The following CHCHD3 variants were observed in gnomAD, a reference collection of about 807,000 sequenced individuals.
CHCHD3 encodes the protein coiled-coil-helix-coiled-coil-helix domain containing 3, also known as MICOS complex subunit MIC19.
In CHCHD3, 20 loss-of-function variants were observed where a neutral mutation model predicts 38.2. That is an observed-to-expected ratio of 0.52 (90% CI 0.37 to 0.76). The LOEUF is 0.76. Among genes scored for constraint, CHCHD3 ranks in the 30% least tolerant of loss-of-function variants. CHCHD3 has a pLI of 0.00. For synonymous variants in CHCHD3, 82 were observed against 100.0 expected, an observed-to-expected ratio of 0.82 and a Z score of 1.07; for missense variants, 245 against 279.2, an observed-to-expected ratio of 0.88 and a Z score of 0.87.
At chr7:132,890,420 A>G (rs1411812261) in intron 4 of CHCHD3, among the ~76,000 whole-genome samples, 1 of 152,176 alleles carries the variant, frequency 6.6e-6, no homozygotes, top group Admixed American at 6.5e-5. Flanking sequence ...CATAGCACAC[A>G]CTTTTCGGCA....
rs369717288 is a variant in CHCHD3, at chr7:132,808,678, A to G, written c.525-12101T>C. On this transcript the variant is annotated intron_variant, in intron 6 of 7. Transcript: ENST00000262570. ...TTCCTCCTACTTTTCATCAACAGCA[A>G]TATTGTTAGCTCATCATCATACATC... Among the ~76,000 whole-genome samples the G allele has an allele frequency of 2.0e-4, 31 of 152,066 alleles. No individual in the cohort carries two copies. The East Asian group carries it at 5.2e-3, about 26-fold the overall frequency.
At chr7:133,046,022 G>A (rs570033517) in intron 2 of CHCHD3, among the ~76,000 whole-genome samples, 4 of 152,234 alleles carry the variant, frequency 2.6e-5, no homozygotes, top group South Asian at 4.2e-4. Flanking sequence ...ATCAGTCTCA[G>A]GTATTTCTTT....
intron 3 of CHCHD3, among the ~76,000 whole-genome samples, chr7:133,010,112 T>A (rs1332017762): frequency 6.6e-6 from 1 of 152,074 alleles, no homozygotes. Flanking sequence ...GGGCTTGGAG[T>A]AAAAGAGAAC....
At chr7:133,061,182 G>C (rs1169372663) in intron 2 of CHCHD3, among the ~76,000 whole-genome samples, 1 of 152,016 alleles carries the variant, frequency 6.6e-6, no homozygotes, top group Non-Finnish European at 1.5e-5. Flanking sequence ...ACAGAGGAAT[G>C]GCATGATTAG....
Position 132,832,304 on chromosome 7 carries a change from TC to T in CHCHD3, c.524+6094del, listed in dbSNP as rs1407264375. On this transcript the variant is annotated intron_variant, in intron 6 of 7. Transcript: ENST00000262570. ...ATAAGTCAGGTTTCAACAACTTCAT[TC>T]AGGGATAAAAGCGAAAACCCCTCTA... 7.9e-5 allele frequency among the ~76,000 whole-genome samples: 12 copies of T among 152,296 alleles called. No individual in the cohort carries two copies. In the East Asian group the frequency reaches 2.3e-3, roughly 29 times the overall value.
intron 5 of CHCHD3, among the ~76,000 whole-genome samples, chr7:132,856,686 G>C (rs1033522735): frequency 6.6e-6 from 1 of 152,186 alleles, no homozygotes; most frequent in African/African-American, 2.4e-5. Context: ...TCTTTGCCTG[G>C]TGAAGCCCTC....
chr7:133,077,892 C>A (rs1815049594), intron 1 of CHCHD3, among the ~76,000 whole-genome samples: 1 of 236 alleles, frequency 4.2e-3, no homozygotes, highest in Non-Finnish European at 9.3e-3. Flanking sequence ...AGGGAAAAAA[C>A]AAGACCCTAC....
chr7:133,007,376 T>C (rs1004167161), intron 3 of CHCHD3, among the ~76,000 whole-genome samples: 16 of 152,350 alleles, frequency 1.1e-4, no homozygotes, highest in South Asian at 8.3e-4. Flanking sequence ...AATTCTACCA[T>C]GGGATTAGTT....
At chr7:132,820,380 A>G (rs73160280) in intron 6 of CHCHD3, among the ~76,000 whole-genome samples, 16,184 of 152,260 alleles carry the variant, frequency 0.11, 1,143 homozygotes, top group Middle Eastern at 0.15. Context: ...AGTTGTGGGT[A>G]TTAGGATTCC....
At chr7:132,903,057 A>T (rs939736755) in intron 4 of CHCHD3, among the ~76,000 whole-genome samples, 1 of 152,156 alleles carries the variant, frequency 6.6e-6, no homozygotes, top group Non-Finnish European at 1.5e-5. Context: ...ATATAATCAC[A>T]CTAGAAAGCC....
At chr7:132,894,056 A>G (rs751126304) in intron 4 of CHCHD3, among the ~76,000 whole-genome samples, 11 of 152,174 alleles carry the variant, frequency 7.2e-5, no homozygotes, top group Non-Finnish European at 1.6e-4. Flanking sequence ...TAAAGACAGG[A>G]GGTTGTTGGA....
At chr7:132,865,297 CA>C (rs1240683441) in intron 5 of CHCHD3, among the ~76,000 whole-genome samples, 1 of 152,178 alleles carries the variant, frequency 6.6e-6, no homozygotes, top group African/African-American at 2.4e-5. Context: ...CTTCAGATAA[CA>C]AAGGCTTTTC....
intron 7 of CHCHD3, among the ~76,000 whole-genome samples, chr7:132,786,579 T>C (rs569034536): frequency 6.6e-6 from 1 of 152,238 alleles, no homozygotes; most frequent in East Asian, 1.9e-4. Context: ...AAAGTGATAC[T>C]TTCCCCTCTA....
rs185332802 is a variant in CHCHD3 at position 132,942,172 on chromosome 7, C to T, written c.369+32997G>A. On this transcript the variant is annotated intron_variant, in intron 4 of 7. Coordinates refer to ENST00000262570, the MANE Select transcript of CHCHD3 (RefSeq NM_017812.4). ...ACAACACACTTCTAATAAGAAAGAG[C>T]GGTGGAGAGAGGGAAGGGGCAGAAA... Among the ~76,000 whole-genome samples the T allele has an allele frequency of 5.9e-5, 9 of 151,948 alleles. No individual in the cohort carries two copies. The East Asian group carries it at 1.6e-3, about 26-fold the overall frequency.
chr7:132,797,827 G>C (rs1224960692), intron 6 of CHCHD3, among the ~76,000 whole-genome samples: 1 of 152,032 alleles, frequency 6.6e-6, no homozygotes, highest in Non-Finnish European at 1.5e-5. Context: ...GATTAATACG[G>C]CAGGGAAGTT....
rs1049367277 is a variant in CHCHD3 at position 132,831,300 on chromosome 7, T to C, written c.524+7099A>G. Among the ~76,000 whole-genome samples, 5 of 152,204 alleles carry C rather than the reference T, an allele frequency of 3.3e-5. No individual in the cohort carries two copies. The East Asian group carries it at 9.6e-4, about 29-fold the overall frequency. ...CATTTAGAATTTGATCAATGTGAAT[T>C]AGTGTCTTACTGAGATACACCATTT... On this transcript the variant is annotated intron_variant, in intron 6 of 7. Transcript: ENST00000262570.
chr7:132,944,003 A>C (rs1351474051), intron 4 of CHCHD3, among the ~76,000 whole-genome samples: 1 of 152,134 alleles, frequency 6.6e-6, no homozygotes, highest in Non-Finnish European at 1.5e-5. Flanking sequence ...CAAGAGAGAA[A>C]GTTTTCTCTG....
chr7:132,986,098 C>T (rs1225320408), intron 3 of CHCHD3, among the ~76,000 whole-genome samples: 1 of 150,100 alleles, frequency 6.7e-6, no homozygotes, highest in Admixed American at 6.7e-5. Flanking sequence ...TGATCTGTGA[C>T]CTTACCCCCA....
At chr7:133,034,993 A>T (rs756661342) in intron 2 of CHCHD3, 1 of 1,609,070 alleles carries the variant, frequency 6.2e-7, no homozygotes, top group South Asian at 1.1e-5. Flanking sequence ...TGCTCCCAGA[A>T]ATATGGCAGT....
Sources: gnomAD v4.1 joint callset for allele counts (sites outside exome capture counted in the v4.1 genomes callset) on GRCh38, gnomAD v4.1.1 for gene constraint, MANE v1.5 for transcripts, NCBI Gene and HGNC (gene_info 2026-07-23, HGNC 2026-07-21) for gene names.